KLHL1: variants seen among roughly 807,000 people sequenced by gnomAD.
The protein encoded by KLHL1 is kelch like family member 1.
A neutral mutation model predicts 77.7 loss-of-function variants in KLHL1; 47 were observed. The observed-to-expected ratio is 0.60, with a 90% CI of 0.48 to 0.77. The LOEUF (loss-of-function observed/expected upper bound fraction) is 0.77, where lower values mean the gene tolerates loss of function less well. Ranked by LOEUF, KLHL1 falls within the 30% of genes least tolerant of loss-of-function variation. KLHL1 has a pLI of 0.00. For missense variants in KLHL1, 925 were observed against 910.8 expected (o/e 1.02, Z -0.20); for synonymous variants, 360 against 325.2 (o/e 1.11, Z -1.15).
At chr13:70,051,732 G>T (rs1009379376) in intron 1 of KLHL1, among the ~76,000 whole-genome samples, 10 of 151,922 alleles carry the variant, frequency 6.6e-5, no homozygotes, top group Non-Finnish European at 1.2e-4. Flanking sequence ...TATATTGTGG[G>T]TCATTCCAAC....
At position 69,848,746 on chromosome 13, in the gene KLHL1, GT is replaced by G. The variant is rs1260580963; in HGVS notation, c.1228-9585del. On this transcript the variant is annotated intron_variant, in intron 5 of 10. Transcript: ENST00000377844. Reference sequence around the variant, plus strand: ...AAAATGCATATGAAATAAGTAGCAGGTTCATTAATTTTATTCTGAATACAGA... The same window carrying G: ...AAAATGCATATGAAATAAGTAGCAGGTCATTAATTTTATTCTGAATACAGA... 2.6e-5 allele frequency among the ~76,000 whole-genome samples: 4 copies of G among 151,422 alleles called. No individual in the cohort carries two copies. The East Asian group carries it at 7.8e-4, about 30-fold the overall frequency.
intron 5 of KLHL1, among the ~76,000 whole-genome samples, chr13:69,839,894 T>A (rs1211173692): frequency 1.3e-5 from 2 of 152,034 alleles, no homozygotes; most frequent in Non-Finnish European, 2.9e-5. Flanking sequence ...TCTTTCTCTT[T>A]CGCTCTTTAG....
At chr13:69,789,521 A>G (rs1876758925) in intron 7 of KLHL1, among the ~76,000 whole-genome samples, 1 of 152,150 alleles carries the variant, frequency 6.6e-6, no homozygotes. Context: ...TACAATTAAA[A>G]TGACATAAAC....
intron 8 of KLHL1, among the ~76,000 whole-genome samples, chr13:69,732,198 C>T (rs759352103): frequency 5.9e-5 from 9 of 151,982 alleles, no homozygotes; most frequent in Non-Finnish European, 1.3e-4. Context: ...GCGAAGGAGA[C>T]TTATGGCAAA....
chr13:70,070,021 A>T (rs1030940678), intron 1 of KLHL1, among the ~76,000 whole-genome samples: 2 of 151,848 alleles, frequency 1.3e-5, no homozygotes, highest in Non-Finnish European at 2.9e-5. Context: ...ACAAAAAATT[A>T]GCTGGGTGTG....
rs963642085 is a variant in KLHL1 at position 69,837,601 on chromosome 13, T to C, written c.1414+1375A>G. On this transcript the variant is annotated intron_variant, in intron 6 of 10. Transcript: ENST00000377844. ...TATAGTTATACTATATATATACACA[T>C]ACATCTCTCTCTCTATATATATGTG... 2.1e-5 allele frequency among the ~76,000 whole-genome samples: 3 copies of C among 145,026 alleles called. No individual in the cohort carries two copies. The East Asian group carries it at 5.9e-4, about 29-fold the overall frequency.
intron 1 of KLHL1, among the ~76,000 whole-genome samples, chr13:70,078,391 C>T (rs1403485859): frequency 6.6e-6 from 1 of 151,580 alleles, no homozygotes; most frequent in Admixed American, 6.6e-5. Context: ...ATTTAAATAC[C>T]CCATTAGTTT....
At chr13:69,783,583 A>AAGAT (rs1487035082) in intron 7 of KLHL1, among the ~76,000 whole-genome samples, 1 of 151,726 alleles carries the variant, frequency 6.6e-6, no homozygotes, top group African/African-American at 2.4e-5. Context: ...TCAGTGATGG[A>AAGAT]AGATGAAATG....
intron 7 of KLHL1, among the ~76,000 whole-genome samples, chr13:69,743,824 GA>G (rs10608243): frequency 0.54 from 72,982 of 134,714 alleles, 19,000 homozygotes; most frequent in East Asian, 0.7. Context: ...CAAAAAAACA[GA>G]AAAAAAAAAA....
chr13:69,883,826 A>G (rs1566362113), intron 4 of KLHL1, among the ~76,000 whole-genome samples: 1 of 152,208 alleles, frequency 6.6e-6, no homozygotes, highest in Non-Finnish European at 1.5e-5. Context: ...TGGATGATAC[A>G]TGTTTAGAGA....
At chr13:69,922,521 A>G (rs7334775) in intron 4 of KLHL1, among the ~76,000 whole-genome samples, 16,288 of 152,216 alleles carry the variant, frequency 0.11, 1,156 homozygotes, top group African/African-American at 0.19. Flanking sequence ...AAGATGTTAA[A>G]TTGGAAATAG....
chr13:70,093,049 A>G (rs559092948), intron 1 of KLHL1, among the ~76,000 whole-genome samples: 1 of 152,310 alleles, frequency 6.6e-6, no homozygotes, highest in East Asian at 1.9e-4. Flanking sequence ...ATTGAATAAC[A>G]TTAATGACTT....
At chr13:69,802,092 C>T (rs1416754478) in intron 6 of KLHL1, among the ~76,000 whole-genome samples, 1 of 152,094 alleles carries the variant, frequency 6.6e-6, no homozygotes, top group Non-Finnish European at 1.5e-5. Flanking sequence ...GTTCAACTCC[C>T]ACTTATGAGT....
At chr13:69,827,151 T>C (rs1193337412) in intron 6 of KLHL1, among the ~76,000 whole-genome samples, 2 of 151,402 alleles carry the variant, frequency 1.3e-5, no homozygotes, top group Non-Finnish European at 2.9e-5. Flanking sequence ...AGTTTGAAAA[T>C]AAGGTAAAAT....
chr13:69,960,110 C>CTTTT (rs58284665), intron 3 of KLHL1, among the ~76,000 whole-genome samples: 18 of 124,214 alleles, frequency 1.4e-4, no homozygotes, highest in African/African-American at 3.1e-4. Flanking sequence ...AGCATGTGTA[C>CTTTT]TTTTTTTTTT....
intron 7 of KLHL1, among the ~76,000 whole-genome samples, chr13:69,792,130 T>C (rs1247013993): frequency 6.6e-6 from 1 of 151,950 alleles, no homozygotes; most frequent in Non-Finnish European, 1.5e-5. Flanking sequence ...CTAAAAAAAA[T>C]TCATAGAATG....
In KLHL1 at chr13:69,919,760, T is replaced by A. The variant is rs984497355; in HGVS notation, c.1014+20280A>T. Among the ~76,000 whole-genome samples the A allele has an allele frequency of 1.1e-4, 16 of 152,276 alleles. No individual in the cohort carries two copies. In the South Asian group the frequency reaches 2.7e-3, roughly 26 times the overall value. ...AGATATTTGGCTTTCTGTTCTATAC[T>A]TGGCCCTGTCTCATATTTAGGTTTA... On this transcript the variant is annotated intron_variant, in intron 4 of 10. Transcript: ENST00000377844.
chr13:69,842,542 A>T (rs1879308283), intron 5 of KLHL1, among the ~76,000 whole-genome samples: 1 of 151,828 alleles, frequency 6.6e-6, no homozygotes, highest in Non-Finnish European at 1.5e-5. Context: ...AAAAAATAAC[A>T]TGATGGTGTG....
intron 1 of KLHL1, among the ~76,000 whole-genome samples, chr13:70,023,692 G>A (rs1261420504): frequency 6.6e-6 from 1 of 151,850 alleles, no homozygotes; most frequent in Non-Finnish European, 1.5e-5. Flanking sequence ...AATCAATCAT[G>A]ACAGTGCTTC....
Sources: gnomAD v4.1 joint callset for allele counts (sites outside exome capture counted in the v4.1 genomes callset) on GRCh38, gnomAD v4.1.1 for gene constraint, MANE v1.5 for transcripts, NCBI Gene and HGNC (gene_info 2026-07-23, HGNC 2026-07-21) for gene names.